IL16: variants seen among roughly 807,000 people sequenced by gnomAD.
IL16 encodes pro-interleukin-16.
Under a neutral mutation model 110.1 loss-of-function variants are expected in IL16, and 67 were observed. The ratio of observed to expected loss-of-function variants is 0.61; its 90% CI spans 0.50 to 0.75. IL16 has a LOEUF of 0.75. IL16 is among the 30% of genes least tolerant of loss of function. IL16 has a pLI of 0.00. For missense variants in IL16, 1,545 were observed against 1,655.0 expected, an observed-to-expected ratio of 0.93 and a Z score of 1.15; for synonymous variants, 689 against 662.9, an observed-to-expected ratio of 1.04 and a Z score of -0.61.
chr15:81,298,391 G>C (rs76799143), intron 13 of IL16, among the ~76,000 whole-genome samples: 5 of 152,196 alleles, frequency 3.3e-5, no homozygotes, highest in Admixed American at 1.3e-4. Context: ...CTGGGAAAGA[G>C]AGCCAGGACA....
chr15:81,186,307 T>C (rs1005765599), intron 1 of IL16, among the ~76,000 whole-genome samples: 1 of 152,258 alleles, frequency 6.6e-6, no homozygotes, highest in African/African-American at 2.4e-5. Flanking sequence ...TGCTGTTGTC[T>C]TTACTTCTCA....
intron 10 of IL16, 123 bp downstream of exon 10, chr15:81,285,953 C>T: frequency 9.7e-7 from 1 of 1,028,720 alleles, no homozygotes; most frequent in Non-Finnish European, 1.5e-6. Flanking sequence ...CCCAAGAATC[C>T]CTTCCAAGTT....
In IL16 at chr15:81,273,198, C is replaced by G; in HGVS notation, c.784C>G (p.Gln262Glu). The change falls in exon 6 of 19, where the codon CAG (glutamine) becomes GAG (glutamate). Residue 262 changes from glutamine (Q) to glutamate (E), a missense_variant. Around this residue, in one of 3 missense-constraint regions of IL16, gnomAD observed 1,185 missense variants for 1,238.8 expected, o/e 0.96. Coordinates refer to ENST00000683961, the MANE Select transcript of IL16 (RefSeq NM_172217.5). Reference sequence around the variant, plus strand: ...AGCAGCAGCAGCCGATGGAAGGCTACAGGAAGGTAGGCTTCCCAGCCCTTT... The same window carrying G: ...AGCAGCAGCAGCCGATGGAAGGCTAGAGGAAGGTAGGCTTCCCAGCCCTTT... ...GGAAAADGRL[Q>E]EGDEILELNG... The G allele has an allele frequency of 1.2e-6, 2 of 1,609,182 alleles. No homozygotes were observed. Among genetic ancestry groups the G allele is most frequent in the Non-Finnish European group, 1.7e-6 (2 of 1,176,980 alleles).
At chr15:81,267,497 CACACACACAG>C (rs1161905118) in intron 4 of IL16, among the ~76,000 whole-genome samples, 1 of 151,114 alleles carries the variant, frequency 6.6e-6, no homozygotes, top group African/African-American at 2.5e-5. Context: ...CACACACACA[CACACACACAG>C]AGAGAGCGAG....
At chr15:81,240,268 T>C (rs965906589) in intron 2 of IL16, among the ~76,000 whole-genome samples, 10 of 152,142 alleles carry the variant, frequency 6.6e-5, no homozygotes, top group African/African-American at 2.4e-4. Context: ...GTTTGAGATA[T>C]TTCCCCTTTC....
chr15:81,313,246 A>C lies in IL16; in HGVS notation c.*4448A>C, dbSNP rs371388632. 6.5e-7 allele frequency: 1 copy of C among 1,541,814 alleles called. No homozygotes were observed. The highest frequency in any genetic ancestry group is 8.8e-7 in the Non-Finnish European group (1 of 1,141,714). On this transcript the variant is annotated 3_prime_UTR_variant, in exon 19 of 19. Transcript: ENST00000683961. ...TCACGGGAGTTCTTTGCCAAGAAGT[A>C]ACGATAGCATTACTCATGGAATTGC...
intron 1 of IL16, among the ~76,000 whole-genome samples, chr15:81,190,195 C>G (rs762905495): frequency 2.6e-5 from 4 of 152,210 alleles, no homozygotes; most frequent in Non-Finnish European, 5.9e-5. Flanking sequence ...CATTCTCCCC[C>G]TTCTCCCCCG....
At chr15:81,282,578 G>C in intron 8 of IL16, 61 bp from the exon 9 acceptor site, 3 of 1,252,018 alleles carry the variant, frequency 2.4e-6, no homozygotes, top group South Asian at 1.2e-5. Context: ...CCCAATCGAC[G>C]AGTAGGCCCC....
At chr15:81,287,766 T>C (rs1449486536) in intron 10 of IL16, among the ~76,000 whole-genome samples, 1 of 152,206 alleles carries the variant, frequency 6.6e-6, no homozygotes, top group African/African-American at 2.4e-5. Flanking sequence ...GAAATCAATA[T>C]ATAATGGTGT....
intron 3 of IL16, among the ~76,000 whole-genome samples, chr15:81,262,258 C>T (rs762755758): frequency 6.6e-6 from 1 of 152,030 alleles, no homozygotes; most frequent in Non-Finnish European, 1.5e-5. Context: ...TTCTCCAGTT[C>T]GTTGCTTTTA....
At chr15:81,236,449 T>C (rs1433987270) in intron 2 of IL16, among the ~76,000 whole-genome samples, 3 of 152,184 alleles carry the variant, frequency 2.0e-5, no homozygotes, top group Non-Finnish European at 4.4e-5. Context: ...GGGTGGTCCA[T>C]GTGCAGGAAG....
At chr15:81,228,410 T>C (rs1174270804) in intron 2 of IL16, among the ~76,000 whole-genome samples, 1 of 151,228 alleles carries the variant, frequency 6.6e-6, no homozygotes, top group African/African-American at 2.4e-5. Context: ...AACCTCTGCC[T>C]CCTGGGTTCA....
chr15:81,294,605 T>A (rs1163283155), intron 12 of IL16, among the ~76,000 whole-genome samples: 1 of 152,160 alleles, frequency 6.6e-6, no homozygotes, highest in East Asian at 1.9e-4. Context: ...GGCTCCCTCC[T>A]GTACCTGCCC....
intron 3 of IL16, among the ~76,000 whole-genome samples, chr15:81,264,948 A>G (rs1041803700): frequency 6.6e-6 from 1 of 152,208 alleles, no homozygotes; most frequent in Non-Finnish European, 1.5e-5. Context: ...TTTTAATTAC[A>G]TAGGTGGCTG....
intron 2 of IL16, among the ~76,000 whole-genome samples, chr15:81,227,214 T>G (rs1896818063): frequency 6.6e-6 from 1 of 152,106 alleles, no homozygotes; most frequent in Non-Finnish European, 1.5e-5. Context: ...TCAGTCCTAT[T>G]GCAACTTTTA....
chr15:81,187,748 G>A (rs752301374), intron 1 of IL16, among the ~76,000 whole-genome samples: 49 of 152,314 alleles, frequency 3.2e-4, no homozygotes, highest in South Asian at 1.7e-3. Flanking sequence ...TCCTTTGACC[G>A]TGGGGGCAGA....
intron 5 of IL16, 80 bp from the exon 6 acceptor site, chr15:81,273,010 G>T (rs1341412368): frequency 6.3e-6 from 7 of 1,111,386 alleles, no homozygotes; most frequent in Non-Finnish European, 9.5e-6. Flanking sequence ...TCAGGGCTGA[G>T]GCAGGCCCTC....
At chr15:81,205,066 G>T (rs1327586443) in intron 1 of IL16, among the ~76,000 whole-genome samples, 1 of 152,104 alleles carries the variant, frequency 6.6e-6, no homozygotes, top group Non-Finnish European at 1.5e-5. Context: ...CAGCACCTTG[G>T]GGGGCCAAGG....
At chr15:81,225,149 C>A in intron 1 of IL16, 150 bp from the exon 2 acceptor site, 1 of 603,734 alleles carries the variant, frequency 1.7e-6, no homozygotes, top group Non-Finnish European at 2.8e-6. Context: ...GGCTGGCACA[C>A]TGGAAGGGCC....
Sources: gnomAD v4.1 joint callset for allele counts (sites outside exome capture counted in the v4.1 genomes callset) on GRCh38, gnomAD v4.1.1 for gene constraint, gnomAD v4.1.1 regional missense constraint, MANE v1.5 for transcripts, NCBI Gene and HGNC (gene_info 2026-07-23, HGNC 2026-07-21) for gene names.